The following SFMBT2 variants were observed in gnomAD, a reference collection of about 807,000 sequenced individuals.
SFMBT2 encodes the protein Scm like with four mbt domains 2, also known as scm-like with four MBT domains protein 2.
Under a neutral mutation model 110.1 loss-of-function variants are expected in SFMBT2, and 38 were observed. That is an observed-to-expected ratio of 0.35 (90% CI 0.27 to 0.45). The LOEUF (loss-of-function observed/expected upper bound fraction) is 0.45. SFMBT2 is among the 20% of genes least tolerant of loss of function. SFMBT2 has a pLI of 1.00. For missense variants in SFMBT2, 1,011 were observed against 1,094.9 expected, an observed-to-expected ratio of 0.92 and a Z score of 1.08; for synonymous variants, 425 against 425.4, an observed-to-expected ratio of 1.00 and a Z score of 0.01.
intron 4 of SFMBT2, among the ~76,000 whole-genome samples, chr10:7,338,317 G>A (rs150526105): frequency 6.6e-6 from 1 of 152,264 alleles, no homozygotes; most frequent in African/African-American, 2.4e-5. Context: ...TGAAATTCTA[G>A]TTTTTCCACT....
intron 4 of SFMBT2, chr10:7,287,270 G>A (rs1212844793): frequency 2.6e-5 from 4 of 154,878 alleles, no homozygotes; most frequent in South Asian, 2.1e-4. Context: ...TAGTAGAGAC[G>A]GGGTTTCACC....
chr10:7,365,084 G>C (rs1287089977), intron 4 of SFMBT2, among the ~76,000 whole-genome samples: 1 of 152,188 alleles, frequency 6.6e-6, no homozygotes, highest in African/African-American at 2.4e-5. Flanking sequence ...GGGGCTGAGT[G>C]AATCAGATGT....
chr10:7,336,192 A>G (rs1358740147), intron 4 of SFMBT2, among the ~76,000 whole-genome samples: 1 of 152,244 alleles, frequency 6.6e-6, no homozygotes, highest in Non-Finnish European at 1.5e-5. Flanking sequence ...ACTTTCCTGC[A>G]TAATTATGTT....
chr10:7,218,097 A>C (rs1839602388), intron 11 of SFMBT2, among the ~76,000 whole-genome samples: 1 of 152,234 alleles, frequency 6.6e-6, no homozygotes, highest in African/African-American at 2.4e-5. Context: ...AAACACTTCA[A>C]ATCAATTTAA....
At chr10:7,169,119 C>G (rs2692769) in intron 20 of SFMBT2, among the ~76,000 whole-genome samples, 31,240 of 151,924 alleles carry the variant, frequency 0.21, 4,381 homozygotes, top group African/African-American at 0.4. Flanking sequence ...CCCACCACCA[C>G]GCCCAGCTAA....
rs36008319 is a variant in SFMBT2 at position 7,235,529 on chromosome 10, C to CCACA, written c.1121-7596_1121-7593dup. On this transcript the variant is annotated intron_variant, in intron 9 of 20. Coordinates refer to ENST00000397167, the MANE Select transcript of SFMBT2 (RefSeq NM_001387889.1). Reference sequence around the variant, plus strand: ...ACACACTCACACCACACACTACATACCACACACACACACACGCAACCACAC... The same window carrying CCACA: ...ACACACTCACACCACACACTACATACCACACACACACACACACACGCAACCACAC... 1.2e-4 allele frequency among the ~76,000 whole-genome samples: 18 copies of CCACA among 150,522 alleles called. No homozygotes were observed. The South Asian group carries it at 2.3e-3, about 19-fold the overall frequency.
At chr10:7,223,434 T>C (rs1346393005) in intron 10 of SFMBT2, among the ~76,000 whole-genome samples, 2 of 152,210 alleles carry the variant, frequency 1.3e-5, no homozygotes, top group Non-Finnish European at 2.9e-5. Context: ...TTTGATGAAA[T>C]GTCTTTTTTA....
intron 4 of SFMBT2, among the ~76,000 whole-genome samples, chr10:7,355,191 CTTCT>C (rs1400876575): frequency 6.6e-6 from 1 of 152,124 alleles, no homozygotes; most frequent in African/African-American, 2.4e-5. Flanking sequence ...TGCTATTTTC[CTTCT>C]AAGTGTCCTA....
At chr10:7,357,238 C>T (rs1221422916) in intron 4 of SFMBT2, among the ~76,000 whole-genome samples, 1 of 152,114 alleles carries the variant, frequency 6.6e-6, no homozygotes, top group African/African-American at 2.4e-5. Flanking sequence ...TAATTTTATG[C>T]ATCAACTTGG....
At position 7,367,423 on chromosome 10, in the gene SFMBT2, C is replaced by T. The variant is rs1356797458; in HGVS notation, c.436+226G>A. Among the ~76,000 whole-genome samples, 1 of 152,088 alleles carries T rather than the reference C, an allele frequency of 6.6e-6. No individual in the cohort carries two copies. The highest frequency in any genetic ancestry group is 2.4e-5 in the African/African-American group (1 of 41,378). ...TAAGGATTAGGCATACTTTCAGTTC[C>T]GAAAAGCCAAGTTTGGCTCCATTGT... On this transcript the variant is annotated intron_variant, in intron 4 of 20. Coordinates refer to ENST00000397167, the MANE Select transcript of SFMBT2 (RefSeq NM_001387889.1). This position sits in a 1 kb window ranked among gnomAD's most constrained non-coding sequence, Gnocchi z 6.2.
chr10:7,203,834 G>C (rs1000567790), intron 12 of SFMBT2: 2 of 170,096 alleles, frequency 1.2e-5, no homozygotes, highest in African/African-American at 2.4e-5. Context: ...TCGTGCCTCA[G>C]CCCTCCGAGT....
At chr10:7,303,144 G>A (rs894468024) in intron 4 of SFMBT2, among the ~76,000 whole-genome samples, 13 of 152,150 alleles carry the variant, frequency 8.5e-5, no homozygotes, top group Admixed American at 7.9e-4. Context: ...AAAGTCAGTT[G>A]TAAACAGACC....
intron 11 of SFMBT2, among the ~76,000 whole-genome samples, chr10:7,210,625 C>T (rs183357799): frequency 6.6e-6 from 1 of 152,336 alleles, no homozygotes; most frequent in East Asian, 1.9e-4. Context: ...TGCTGACAGG[C>T]TTGAGTGTGA....
At chr10:7,352,738 G>T (rs985828852) in intron 4 of SFMBT2, among the ~76,000 whole-genome samples, 1 of 152,092 alleles carries the variant, frequency 6.6e-6, no homozygotes. Context: ...GGGGCCGGGC[G>T]TGGTGGCTCA....
chr10:7,182,695 C>T (rs1838280395), intron 16 of SFMBT2, among the ~76,000 whole-genome samples: 1 of 127,242 alleles, frequency 7.9e-6, no homozygotes, highest in African/African-American at 3.1e-5. Flanking sequence ...GGTAGGGGAA[C>T]ATCACACACT....
chr10:7,225,396 G>A (rs561008399), intron 10 of SFMBT2, among the ~76,000 whole-genome samples: 1 of 152,176 alleles, frequency 6.6e-6, no homozygotes. Context: ...GGAGATGTGT[G>A]ATTAAAAAAT....
At chr10:7,385,843 CA>C (rs562413090) in intron 1 of SFMBT2, among the ~76,000 whole-genome samples, 108 of 152,100 alleles carry the variant, frequency 7.1e-4, no homozygotes, top group East Asian at 2.3e-3. Context: ...ACTAAAAATA[CA>C]AAAAAATTAG....
chr10:7,248,311 A>G (rs1014265947), intron 8 of SFMBT2, among the ~76,000 whole-genome samples: 8 of 152,246 alleles, frequency 5.3e-5, no homozygotes, highest in African/African-American at 1.9e-4. Flanking sequence ...TCAGAAGACA[A>G]GGAAAATTCA....
In SFMBT2 at chr10:7,224,280, T is replaced by C. The variant is rs573332819; in HGVS notation, c.1203+3575A>G. On this transcript the variant is annotated intron_variant, in intron 10 of 20. Coordinates refer to ENST00000397167, the MANE Select transcript of SFMBT2 (RefSeq NM_001387889.1). ...TCTTGAGAAGCAGCTCAAATCTCAA[T>C]TGAGTTCACCTCTCCTAGGCTGCTT... Among the ~76,000 whole-genome samples the C allele has an allele frequency of 3.9e-5, 6 of 152,310 alleles. No individual in the cohort carries two copies. In the South Asian group the frequency reaches 1.0e-3, roughly 26 times the overall value.
Sources: gnomAD v4.1 joint callset for allele counts (sites outside exome capture counted in the v4.1 genomes callset) on GRCh38, gnomAD v4.1.1 for gene constraint, Gnocchi (gnomAD v3.1) non-coding constraint, MANE v1.5 for transcripts, NCBI Gene and HGNC (gene_info 2026-07-23, HGNC 2026-07-21) for gene names.